HAUS5: variants seen among roughly 807,000 people sequenced by gnomAD.
The protein encoded by HAUS5 is HAUS augmin like complex subunit 5, also known as HAUS augmin-like complex subunit 5.
In HAUS5, 67 loss-of-function variants were observed where a neutral mutation model predicts 94.1. The observed-to-expected ratio is 0.71, with a 90% confidence interval of 0.58 to 0.87. HAUS5 has a LOEUF of 0.87. Ranked by LOEUF, HAUS5 falls within the 40% of genes least tolerant of loss-of-function variation. HAUS5 has a pLI of 0.00. For synonymous variants in HAUS5, 339 were observed against 355.4 expected, an observed-to-expected ratio of 0.95 and a Z score of 0.52; for missense variants, 739 against 825.6, an observed-to-expected ratio of 0.90 and a Z score of 1.29.
At chr19:35,614,102 G>A in intron 4 of HAUS5, 43 bp downstream of exon 4, 2 of 1,580,868 alleles carry the variant, frequency 1.3e-6, no homozygotes, top group South Asian at 2.2e-5. Flanking sequence ...TCCGAAAAAT[G>A]ACTTGTAGAT....
In HAUS5 at chr19:35,615,166, A is replaced by T. The variant is rs2071930770; in HGVS notation, c.325+19A>T. ...GCTCAGGGTGAGCCATGGGGCCAGAAGATGGGCACCAGAATGTGGGGCGGG... is the reference window on the plus strand; with the variant it reads ...GCTCAGGGTGAGCCATGGGGCCAGATGATGGGCACCAGAATGTGGGGCGGG... On this transcript the variant is annotated intron_variant, in intron 5 of 18. Transcript: ENST00000203166. The T allele has an allele frequency of 6.2e-7, 1 of 1,611,228 alleles. No homozygotes were observed. Among genetic ancestry groups the T allele is most frequent in the African/African-American group, 1.3e-5 (1 of 74,884 alleles).
In HAUS5 at chr19:35,618,112, C is replaced by G; in HGVS notation, c.738C>G (p.Ala246=). ...TNHPPGHVLA[A]LEHLAAEREA... is the part of the protein sequence containing the mutation. ...ACCCCCCAGGCCACGTCCTGGCTGC[C>G]TTGGAGCACCTGGCTGCAGAGCGGG... The change falls in exon 10 of 19, where the codon GCC becomes GCG. Residue 246 remains alanine, a synonymous_variant. Transcript: ENST00000203166. 1 of 1,608,936 alleles carries G rather than the reference C, an allele frequency of 6.2e-7. No homozygotes were observed. The highest frequency in any genetic ancestry group is 8.5e-7 in the Non-Finnish European group (1 of 1,176,604).
In HAUS5 at chr19:35,616,956, G is replaced by A. The variant is rs539693800; in HGVS notation, c.486-168G>A. Among the ~76,000 whole-genome samples, 5 of 152,330 alleles carry A rather than the reference G, an allele frequency of 3.3e-5. No individual in the cohort carries two copies. The South Asian group carries it at 1.0e-3, about 32-fold the overall frequency. The stretch of plus-strand genomic sequence containing the variant: ...CTCGTGGAGCAAAAGCAGTGGGGAG[G>A]CTAATGCAATATTCCAGCTGGGAGG... On this transcript the variant is annotated intron_variant, in intron 6 of 18. Transcript: ENST00000203166.
chr19:35,613,521 G>T, intron 1 of HAUS5: 1 of 585,740 alleles, frequency 1.7e-6, no homozygotes, highest in Non-Finnish European at 3.0e-6. Flanking sequence ...GGAGGTTGAG[G>T]CTGCAAGGAG....
intron 1 of HAUS5, 48 bp from the exon 2 acceptor site, chr19:35,613,682 A>T (rs758256110): frequency 2.3e-5 from 36 of 1,560,934 alleles, no homozygotes; most frequent in Non-Finnish European, 3.0e-5. Context: ...TGAGGATCCC[A>T]CACCCTGTGT....
intron 15 of HAUS5, 107 bp from the exon 16 acceptor site, chr19:35,619,905 G>A: frequency 2.6e-6 from 4 of 1,530,668 alleles, no homozygotes; most frequent in Admixed American, 2.0e-5. Context: ...CCTGGTCTTG[G>A]CATCCTAGTC....
rs773290699 is a variant in HAUS5, at chr19:35,618,357, C to G, written c.822-45C>G. On this transcript the variant is annotated intron_variant, in intron 10 of 18. Transcript: ENST00000203166. Reference sequence around the variant, plus strand: ...TACTGTCCACCCTCGAGTACCAAGGCAAGGCCGCAGCACGGCTCCCTCAGC... The same window carrying G: ...TACTGTCCACCCTCGAGTACCAAGGGAAGGCCGCAGCACGGCTCCCTCAGC... 2.5e-5 allele frequency: 40 copies of G among 1,609,952 alleles called. 1 individual carries two copies. In the South Asian group the frequency reaches 4.2e-4, roughly 17 times the overall value.
At position 35,619,486 on chromosome 19, in the gene HAUS5, G is replaced by A; in HGVS notation, c.1242G>A (p.Leu414=). ...GAAACTCGGCCAGCAAGACCCGCCT[G>A]TGCCGGAGCCCGGGGGAGGTGAGAT... ...IKGNSASKTR[L]CRSPGEVLAL... The change falls in exon 14 of 19, where the codon CTG becomes CTA. Residue 414 remains leucine, a synonymous_variant. Transcript: ENST00000203166. 1 of 1,610,520 alleles carries A rather than the reference G, an allele frequency of 6.2e-7. No individual in the cohort carries two copies. Among genetic ancestry groups the A allele is most frequent in the Non-Finnish European group, 8.5e-7 (1 of 1,178,168 alleles).
In HAUS5 at chr19:35,623,472, G is replaced by A. The variant is rs1474369242; in HGVS notation, c.*479G>A. ...CAAGGGGTGAGCAGGAGCAACAGGG[G>A]TGGCTGAGTAAGGGCTTGCAGCTGG... On this transcript the variant is annotated 3_prime_UTR_variant, in exon 19 of 19. Transcript: ENST00000203166. 1 of 161,002 alleles carries A rather than the reference G, an allele frequency of 6.2e-6. No individual in the cohort carries two copies. 10.0% of individuals were successfully genotyped at this position (161,002 alleles called of 1,614,324 possible).
At position 35,619,706 on chromosome 19, in the gene HAUS5, C is replaced by T. The variant is rs752366312; in HGVS notation, c.1354C>T (p.Arg452Trp). ...ELLRCLEEEV[R>W]HLPHILLGTL... ...GCTGCGCTGTCTGGAGGAGGAAGTC[C>T]GGCATTTGCCCCACATTCTGTTGGG... is the stretch of plus-strand genomic sequence containing the variant. Residue 452 changes from arginine (R) to tryptophan (W), a missense_variant, in exon 15 of 19, where the codon CGG (arginine) becomes TGG (tryptophan). Transcript: ENST00000203166. The T allele has an allele frequency of 1.3e-5, 20 of 1,571,474 alleles. No homozygotes were observed. The highest frequency in any genetic ancestry group is 1.8e-4 in the Middle Eastern group (1 of 5,604).
intron 4 of HAUS5, among the ~76,000 whole-genome samples, chr19:35,614,456 C>T (rs759556064): frequency 3.9e-5 from 6 of 152,130 alleles, no homozygotes; most frequent in Admixed American, 6.5e-5. Flanking sequence ...TGGTGGCACA[C>T]GCCTGTAATC....
chr19:35,618,400 AG>A lies in HAUS5; in HGVS notation c.822-1del. 2.1e-6 allele frequency: 2 copies of A among 952,112 alleles called. No homozygotes were observed. The highest frequency in any genetic ancestry group is 3.2e-6 in the Non-Finnish European group (2 of 630,088). The allele number at this position is 952,112 out of a possible 1,614,324, so 59.0% of individuals were successfully genotyped here. On this transcript the variant is annotated splice_acceptor_variant, in intron 10 of 18. Coordinates refer to ENST00000203166, the MANE Select transcript of HAUS5 (RefSeq NM_015302.2). LOFTEE classifies it high-confidence loss of function. ...CCCTCAGCAGCTCTTCCCCCACCCC[AG>A]ACCCCAGGCCCCGGACCAGTCAGAC...
Position 35,622,868 on chromosome 19 carries a change from T to G in HAUS5, c.1785-8T>G. The G allele has an allele frequency of 6.2e-7, 1 of 1,612,000 alleles. No homozygotes were observed. The highest frequency in any genetic ancestry group is 8.5e-7 in the Non-Finnish European group (1 of 1,178,090). ...TCCTTTCCTCGTTGACGCCATGCCA[T>G]TCCCCAGGTGGGAGCAGCCAGGCCA... On this transcript the variant is annotated splice_polypyrimidine_tract_variant and splice_region_variant and intron_variant, in intron 18 of 18. Transcript: ENST00000203166.
Position 35,619,700 on chromosome 19 carries a change from G to A in HAUS5, c.1348G>A (p.Glu450Lys), listed in dbSNP as rs1255330562. The change falls in exon 15 of 19, where the codon GAA (glutamate) becomes AAA (lysine). Residue 450 changes from glutamate to lysine, a missense_variant. Coordinates refer to ENST00000203166, the MANE Select transcript of HAUS5 (RefSeq NM_015302.2). ...SRELLRCLEEEVRHLPHILLG... is the reference protein window; with the variant it reads ...SRELLRCLEEKVRHLPHILLG... The stretch of plus-strand genomic sequence containing the variant: ...GGAGCTGCTGCGCTGTCTGGAGGAG[G>A]AAGTCCGGCATTTGCCCCACATTCT... 3 of 1,575,210 alleles carry A rather than the reference G, an allele frequency of 1.9e-6. No individual in the cohort carries two copies. The highest frequency in any genetic ancestry group is 2.6e-6 in the Non-Finnish European group (3 of 1,160,656).
At chr19:35,614,496 A>G in intron 4 of HAUS5, among the ~76,000 whole-genome samples, 1 of 152,224 alleles carries the variant, frequency 6.6e-6, no homozygotes, top group Non-Finnish European at 1.5e-5. Flanking sequence ...AGGCAGGAGA[A>G]TCGCTTGAAC....
intron 15 of HAUS5, 52 bp downstream of exon 15, chr19:35,619,810 T>C (rs1568329697): frequency 6.6e-7 from 1 of 1,506,640 alleles, no homozygotes; most frequent in Admixed American, 2.2e-5. Context: ...CATGGGTGAC[T>C]GTCACTCCCT....
At chr19:35,620,790 G>A (rs1254824410) in intron 17 of HAUS5, among the ~76,000 whole-genome samples, 1 of 152,222 alleles carries the variant, frequency 6.6e-6, no homozygotes, top group Non-Finnish European at 1.5e-5. Flanking sequence ...CCGAGGTGCT[G>A]GGCAGATTGA....
At chr19:35,620,533 C>T (rs908874477) in intron 17 of HAUS5, among the ~76,000 whole-genome samples, 1 of 152,210 alleles carries the variant, frequency 6.6e-6, no homozygotes, top group Non-Finnish European at 1.5e-5. Flanking sequence ...GGAACTGAGA[C>T]GCAGAGGTTA....
In HAUS5 at chr19:35,622,986, G is replaced by A. The variant is rs1294463215; in HGVS notation, c.1895G>A (p.Cys632Tyr). The change falls in exon 19 of 19, where the codon TGC (cysteine) becomes TAC (tyrosine). Residue 632 changes from cysteine (C) to tyrosine (Y), a missense_variant. By Grantham distance (194) the Cys-to-Tyr change is radical. Coordinates refer to ENST00000203166, the MANE Select transcript of HAUS5 (RefSeq NM_015302.2). Reference sequence around the variant, plus strand: ...GCCCAGGGGGCCCTGCAGAAGCTGTGCAGCTGAAGAGAGGGTTCAAACGGA... The same window carrying A: ...GCCCAGGGGGCCCTGCAGAAGCTGTACAGCTGAAGAGAGGGTTCAAACGGA... ...VQAQGALQKL[C>Y]S The A allele has an allele frequency of 1.9e-6, 3 of 1,605,642 alleles. No homozygotes were observed. Among genetic ancestry groups the A allele is most frequent in the Non-Finnish European group, 2.6e-6 (3 of 1,173,864 alleles).
Sources: allele counts gnomAD v4.1 joint callset (sites outside exome capture counted in the v4.1 genomes callset), GRCh38; gene constraint gnomAD v4.1.1; transcripts MANE v1.5; gene names NCBI Gene and HGNC (gene_info 2026-07-23, HGNC 2026-07-21).